SIPA1L2: variants seen among roughly 807,000 people sequenced by gnomAD.
SIPA1L2 encodes signal induced proliferation associated 1 like 2, also known as signal-induced proliferation-associated 1-like protein 2.
A neutral mutation model predicts 163.9 loss-of-function variants in SIPA1L2; 56 were observed. That is an observed-to-expected ratio of 0.34 (90% CI 0.28 to 0.43). The LOEUF is 0.43. Among genes scored for constraint, SIPA1L2 ranks in the 20% least tolerant of loss-of-function variants. The pLI is 1.00. For synonymous variants in SIPA1L2, 877 were observed against 865.7 expected (o/e 1.01, Z -0.23); for missense variants, 1,974 against 2,193.5 (o/e 0.90, Z 2.00).
rs745988322 is a variant in SIPA1L2 at position 232,515,064 on chromosome 1, C to T, written c.276G>A (p.Glu92=). ...EWPPKKDCSK[E]LTCKALWESR... ...TTTCCCACAGTGCCTTGCATGTTAG[C>T]TCCTTGGAACAGTCCTTTTTAGGAG... The change falls in exon 3 of 23, where the codon GAG becomes GAA. Residue 92 remains glutamate (E), a synonymous_variant. Coordinates refer to ENST00000674635, the MANE Select transcript of SIPA1L2 (RefSeq NM_020808.5). 2.5e-6 allele frequency: 4 copies of T among 1,614,152 alleles called. No individual in the cohort carries two copies. Among genetic ancestry groups the T allele is most frequent in the Admixed American group, 1.7e-5 (1 of 60,020 alleles).
In SIPA1L2 at chr1:232,465,348, G is replaced by A; in HGVS notation, c.2312C>T (p.Pro771Leu). Residue 771 changes from proline (P) to leucine (L), a missense_variant, in exon 9 of 23, where the codon CCA (proline) becomes CTA (leucine). By Grantham distance (98) the Pro-to-Leu change is moderately conservative. Transcript: ENST00000674635. The surrounding 1 kb of genome is among the most constrained non-coding windows in gnomAD (Gnocchi z 4.1). The stretch of plus-strand genomic sequence containing the variant: ...GAAGTCCCGGAACACGGCTGACTTT[G>A]GAAAAGTTACACCTTTGGGAATCGG... ...GPPIPKGVTFPKSAVFRDFLL... is the reference protein window; with the variant it reads ...GPPIPKGVTFLKSAVFRDFLL... The A allele has an allele frequency of 6.2e-7, 1 of 1,614,100 alleles. No homozygotes were observed. Among genetic ancestry groups the A allele is most frequent in the Non-Finnish European group, 8.5e-7 (1 of 1,179,972 alleles).
intron 1 of SIPA1L2, among the ~76,000 whole-genome samples, chr1:232,625,490 C>T (rs372993369): frequency 2.0e-5 from 3 of 152,136 alleles, no homozygotes; most frequent in East Asian, 3.9e-4. Context: ...GATGGAAAGA[C>T]GAGGTTCAAT....
rs191237277 is a variant in SIPA1L2, at chr1:232,629,428, A to T, written c.-319+441T>A. Among the ~76,000 whole-genome samples, 427 of 152,280 alleles carry T rather than the reference A, an allele frequency of 2.8e-3. 2 individuals carry two copies. Among genetic ancestry groups the T allele is most frequent in the African/African-American group, 9.8e-3 (407 of 41,574 alleles). ...CGGTGAGGGCGCGCGCTCCGGGCGC[A>T]CCCCCTCTAGAAGGGGAATTAGCCC... On this transcript the variant is annotated intron_variant, in intron 1 of 22. Transcript: ENST00000674635.
rs913337375 is a variant in SIPA1L2 at position 232,401,912 on chromosome 1, T to G, written c.5022+480A>C. 2.0e-5 allele frequency among the ~76,000 whole-genome samples: 3 copies of G among 152,328 alleles called. No individual in the cohort carries two copies. The East Asian group carries it at 5.8e-4, about 29-fold the overall frequency. On this transcript the variant is annotated intron_variant, in intron 22 of 22. Coordinates refer to ENST00000674635, the MANE Select transcript of SIPA1L2 (RefSeq NM_020808.5). ...GATGGAACAGAGCTCAGCCAAGTAT[T>G]TGTGGGATACAGAATTTAATTTCTT...
At chr1:232,517,948 G>T (rs1433900677) in intron 2 of SIPA1L2, among the ~76,000 whole-genome samples, 1 of 152,124 alleles carries the variant, frequency 6.6e-6, no homozygotes, top group East Asian at 1.9e-4. Flanking sequence ...TTGGGAGGCT[G>T]AAGCAGGAGG....
chr1:232,493,615 G>C lies in SIPA1L2; in HGVS notation c.1529C>G (p.Ala510Gly), dbSNP rs1286422256. ...FGIDENLGPVAVSIRREKVED... is the reference protein window; with the variant it reads ...FGIDENLGPVGVSIRREKVED... ...CACCTTCTCTCTCCGGATGCTGACT[G>C]CTACTGGACCAAGGTTTTCATCTAT... Residue 510 changes from alanine to glycine, a missense_variant, in exon 4 of 23, where the codon GCA becomes GGA. By Grantham distance (60) the Ala-to-Gly change is moderately conservative. Around this residue, in one of 3 missense-constraint regions of SIPA1L2, gnomAD observed 288 missense variants for 418.9 expected, o/e 0.69. Transcript: ENST00000674635. 6.2e-7 allele frequency: 1 copy of C among 1,614,114 alleles called. No homozygotes were observed. The highest frequency in any genetic ancestry group is 1.1e-5 in the South Asian group (1 of 91,080).
At chr1:232,615,847 G>C (rs1385365147) in intron 1 of SIPA1L2, among the ~76,000 whole-genome samples, 8 of 152,040 alleles carry the variant, frequency 5.3e-5, no homozygotes, top group African/African-American at 2.4e-5. Context: ...GCACCACAAG[G>C]GCAACACCCT....
intron 1 of SIPA1L2, among the ~76,000 whole-genome samples, chr1:232,623,615 A>G (rs886252391): frequency 3.3e-5 from 5 of 152,046 alleles, no homozygotes; most frequent in African/African-American, 9.7e-5. Flanking sequence ...CTCAAAAAAC[A>G]AAACAAAACA....
intron 1 of SIPA1L2, among the ~76,000 whole-genome samples, chr1:232,581,866 C>T (rs1165847922): frequency 6.6e-6 from 1 of 152,150 alleles, no homozygotes; most frequent in African/African-American, 2.4e-5. Context: ...CCCCACAAAA[C>T]TTTCTCAGAC....
At position 232,470,102 on chromosome 1, in the gene SIPA1L2, C is replaced by A. The variant is rs530689789; in HGVS notation, c.2243+1269G>T. 2.0e-5 allele frequency among the ~76,000 whole-genome samples: 3 copies of A among 152,206 alleles called. No individual in the cohort carries two copies. In the South Asian group the frequency reaches 6.2e-4, roughly 32 times the overall value. On this transcript the variant is annotated intron_variant, in intron 8 of 22. Coordinates refer to ENST00000674635, the MANE Select transcript of SIPA1L2 (RefSeq NM_020808.5). ...CATTTTATTCTTCAGAATTACCATT[C>A]GCTGGATGAGCTCCCAGGAAAAAAA...
chr1:232,629,913 C>T lies in SIPA1L2; in HGVS notation c.-363G>A, dbSNP rs1663295793. Among the ~76,000 whole-genome samples the T allele has an allele frequency of 6.6e-6, 1 of 151,134 alleles. No homozygotes were observed. Among genetic ancestry groups the T allele is most frequent in the African/African-American group, 2.4e-5 (1 of 41,366 alleles). On this transcript the variant is annotated 5_prime_UTR_variant, in exon 1 of 23. Transcript: ENST00000674635. ...GGAACCTGCTACAGCCTGTGCGCGC[C>T]GGGCGGCGCGTACCCGGGCTGCCGC...
intron 2 of SIPA1L2, among the ~76,000 whole-genome samples, chr1:232,548,099 C>T (rs569784300): frequency 3.3e-5 from 5 of 152,276 alleles, no homozygotes; most frequent in African/African-American, 9.6e-5. Context: ...TTACATAATC[C>T]ACTTTTTACA....
chr1:232,479,607 C>T lies in SIPA1L2; in HGVS notation c.2085+20G>A. 1 of 1,603,034 alleles carries T rather than the reference C, an allele frequency of 6.2e-7. No individual in the cohort carries two copies. Among genetic ancestry groups the T allele is most frequent in the Non-Finnish European group, 8.5e-7 (1 of 1,170,222 alleles). On this transcript the variant is annotated intron_variant, in intron 7 of 22. Coordinates refer to ENST00000674635, the MANE Select transcript of SIPA1L2 (RefSeq NM_020808.5). ...GATTTCATACTCAGCGTAAAAAGCT[C>T]CAGGCTGGGGAGGACATACCTGTTG...
Position 232,519,649 on chromosome 1 carries a change from G to C in SIPA1L2, c.-269-4041C>G, listed in dbSNP as rs148346760. Among the ~76,000 whole-genome samples, 218 of 152,288 alleles carry C rather than the reference G, an allele frequency of 1.4e-3. 1 individual carries two copies. The East Asian group carries it at 0.022, about 15-fold the overall frequency. On this transcript the variant is annotated intron_variant, in intron 2 of 22. Coordinates refer to ENST00000674635, the MANE Select transcript of SIPA1L2 (RefSeq NM_020808.5). ...ACAGATTGTAAAAAACCAGTTATGA[G>C]AGTTTCAGACTGGCAAATGCAGAGT...
intron 1 of SIPA1L2, among the ~76,000 whole-genome samples, chr1:232,584,351 A>C (rs1285800615): frequency 6.6e-6 from 1 of 152,128 alleles, no homozygotes; most frequent in Non-Finnish European, 1.5e-5. Context: ...CAGCCTCCCG[A>C]GTAGATGAGA....
chr1:232,496,855 A>G (rs1666220544), intron 3 of SIPA1L2, among the ~76,000 whole-genome samples: 1 of 152,204 alleles, frequency 6.6e-6, no homozygotes, highest in Admixed American at 6.5e-5. Flanking sequence ...CAAAAATACA[A>G]CAGTCATAAG....
intron 10 of SIPA1L2, among the ~76,000 whole-genome samples, chr1:232,454,737 A>C (rs983369859): frequency 6.6e-6 from 1 of 152,218 alleles, no homozygotes; most frequent in African/African-American, 2.4e-5. Context: ...CCCAACATTC[A>C]AAATGAAAAA....
chr1:232,565,171 G>T lies in SIPA1L2; in HGVS notation c.-270+9003C>A, dbSNP rs74146157. The stretch of plus-strand genomic sequence containing the variant: ...TAGCTAGATCAACAAGCATCGTCTG[G>T]ATGAATCTGGATAAAAACCTTAGAT... On this transcript the variant is annotated intron_variant, in intron 2 of 22. Coordinates refer to ENST00000674635, the MANE Select transcript of SIPA1L2 (RefSeq NM_020808.5). Among the ~76,000 whole-genome samples the T allele has an allele frequency of 9.7e-3, 1,471 of 152,324 alleles. 28 individuals carry two copies. The highest frequency in any genetic ancestry group is 0.033 in the African/African-American group (1,387 of 41,562).
At chr1:232,576,784 C>T (rs1478575818) in intron 1 of SIPA1L2, among the ~76,000 whole-genome samples, 2 of 152,136 alleles carry the variant, frequency 1.3e-5, no homozygotes, top group Non-Finnish European at 2.9e-5. Context: ...AAAACAATCT[C>T]GTTGCTGATA....
Sources: gnomAD v4.1 joint callset for allele counts (sites outside exome capture counted in the v4.1 genomes callset) on GRCh38, gnomAD v4.1.1 for gene constraint, gnomAD v4.1.1 regional missense constraint, Gnocchi (gnomAD v3.1) non-coding constraint, MANE v1.5 for transcripts, NCBI Gene and HGNC (gene_info 2026-07-23, HGNC 2026-07-21) for gene names.